The following PTPRD variants were observed in gnomAD, a reference collection of about 807,000 sequenced individuals.
The protein encoded by PTPRD is receptor-type tyrosine-protein phosphatase delta.
Under a neutral mutation model 214.5 loss-of-function variants are expected in PTPRD, and 34 were observed. That is an observed-to-expected ratio of 0.16 (90% confidence interval 0.12 to 0.21). The LOEUF (loss-of-function observed/expected upper bound fraction) is 0.21, where lower values mean the gene tolerates loss of function less well. PTPRD is among the 10% of genes least tolerant of loss of function. The pLI, the probability that PTPRD is intolerant of heterozygous loss-of-function variation, is 1.00. For missense variants in PTPRD, 2,545 were observed against 2,398.7 expected (o/e 1.06, Z -1.27); for synonymous variants, 1,128 against 845.7 (o/e 1.33, Z -5.79).
chr9:8,810,706 G>C (rs2096784903), intron 11 of PTPRD, among the ~76,000 whole-genome samples: 1 of 152,130 alleles, frequency 6.6e-6, no homozygotes, highest in Admixed American at 6.5e-5. Context: ...TTTGAATTTT[G>C]GTTACCCTGA....
chr9:9,381,846 G>A (rs929905601), intron 9 of PTPRD, among the ~76,000 whole-genome samples: 2 of 150,516 alleles, frequency 1.3e-5, no homozygotes, highest in African/African-American at 4.9e-5. Context: ...AGATTGCTTT[G>A]GCTATTTTGA....
intron 7 of PTPRD, among the ~76,000 whole-genome samples, chr9:9,717,172 G>C (rs370510937): frequency 1.3e-3 from 193 of 152,098 alleles, no homozygotes; most frequent in African/African-American, 4.5e-3. Flanking sequence ...GATATGCGGC[G>C]TTATTTCTGA....
chr9:10,075,474 T>C (rs1205465079), intron 3 of PTPRD, among the ~76,000 whole-genome samples: 1 of 152,002 alleles, frequency 6.6e-6, no homozygotes, highest in Non-Finnish European at 1.5e-5. Context: ...CTTATTTGAT[T>C]TATATACTTT....
At chr9:9,894,686 T>G (rs1188495720) in intron 5 of PTPRD, among the ~76,000 whole-genome samples, 1 of 152,054 alleles carries the variant, frequency 6.6e-6, no homozygotes, top group African/African-American at 2.4e-5. Context: ...TCACATATAT[T>G]TGGGGGATGA....
chr9:9,988,184 C>T (rs966516106), intron 4 of PTPRD, among the ~76,000 whole-genome samples: 2 of 151,982 alleles, frequency 1.3e-5, no homozygotes, highest in Admixed American at 6.6e-5. Context: ...CTACAAAACA[C>T]ATAATTATTT....
At chr9:9,844,297 T>C (rs951136587) in intron 5 of PTPRD, among the ~76,000 whole-genome samples, 1 of 151,954 alleles carries the variant, frequency 6.6e-6, no homozygotes, top group African/African-American at 2.4e-5. Context: ...ATGCTGTACA[T>C]TAGATCATAA....
chr9:8,811,106 G>C (rs368541644), intron 11 of PTPRD, among the ~76,000 whole-genome samples: 14 of 152,052 alleles, frequency 9.2e-5, no homozygotes, highest in Non-Finnish European at 2.1e-4. Flanking sequence ...TCTGACTTAC[G>C]GCACAAAAAG....
At chr9:9,910,071 T>A (rs1199288392) in intron 5 of PTPRD, among the ~76,000 whole-genome samples, 1 of 151,944 alleles carries the variant, frequency 6.6e-6, no homozygotes, top group African/African-American at 2.4e-5. Flanking sequence ...CTCAACTGCT[T>A]ACTACTTTCT....
intron 39 of PTPRD, among the ~76,000 whole-genome samples, chr9:8,347,078 T>C (rs2074035307): frequency 6.6e-6 from 1 of 150,986 alleles, no homozygotes; most frequent in Admixed American, 6.6e-5. Flanking sequence ...TTGGATCATA[T>C]CCCCTGCGGA....
intron 7 of PTPRD, among the ~76,000 whole-genome samples, chr9:9,605,257 T>C (rs1235690226): frequency 1.3e-5 from 2 of 152,048 alleles, no homozygotes; most frequent in African/African-American, 2.4e-5. Flanking sequence ...TCAGTGTACC[T>C]AATATGTATA....
chr9:10,481,167 T>TA (rs1359200994), intron 2 of PTPRD, among the ~76,000 whole-genome samples: 5 of 152,098 alleles, frequency 3.3e-5, no homozygotes, highest in East Asian at 1.9e-4. Flanking sequence ...TTGCTCCACT[T>TA]AAAAAAATCC....
chr9:9,196,982 A>T (rs2099938974), intron 9 of PTPRD, among the ~76,000 whole-genome samples: 1 of 152,158 alleles, frequency 6.6e-6, no homozygotes, highest in Non-Finnish European at 1.5e-5. Flanking sequence ...AAACAAGATC[A>T]CTCCCTAATC....
At chr9:10,062,675 T>G (rs1306175394) in intron 3 of PTPRD, among the ~76,000 whole-genome samples, 1 of 151,270 alleles carries the variant, frequency 6.6e-6, no homozygotes, top group Non-Finnish European at 1.5e-5. Flanking sequence ...CGATAGCACT[T>G]AGGGAGAGGT....
At chr9:9,573,416 T>TAA (rs567999592) in intron 8 of PTPRD, among the ~76,000 whole-genome samples, 4 of 145,866 alleles carry the variant, frequency 2.7e-5, no homozygotes, top group African/African-American at 5.0e-5. Context: ...GTTCTTTTTT[T>TAA]AAAAAAAAAA....
chr9:8,721,299 A>C (rs2098494193), intron 12 of PTPRD, among the ~76,000 whole-genome samples: 1 of 151,688 alleles, frequency 6.6e-6, no homozygotes, highest in South Asian at 2.1e-4. Context: ...GCATGGTGGC[A>C]CATGCCTGTA....
chr9:8,761,936 C>A (rs975176737), intron 11 of PTPRD, among the ~76,000 whole-genome samples: 2 of 152,106 alleles, frequency 1.3e-5, no homozygotes, highest in African/African-American at 4.8e-5. Flanking sequence ...ACCAAGGTCC[C>A]TAAGGCACCA....
At chr9:10,076,478 C>A (rs16931010) in intron 3 of PTPRD, among the ~76,000 whole-genome samples, 2 of 152,164 alleles carry the variant, frequency 1.3e-5, no homozygotes, top group East Asian at 1.9e-4. Context: ...ACTGGGAGGA[C>A]CCTGAATGGA....
intron 3 of PTPRD, among the ~76,000 whole-genome samples, chr9:10,202,975 A>G (rs1359641002): frequency 6.6e-6 from 1 of 151,874 alleles, no homozygotes; most frequent in South Asian, 2.1e-4. Context: ...CTGTCATTTA[A>G]GCCACCCAGA....
intron 10 of PTPRD, among the ~76,000 whole-genome samples, chr9:9,087,879 T>TC: frequency 3.5e-5 from 1 of 28,286 alleles, no homozygotes; most frequent in African/African-American, 1.3e-4. Context: ...CCCTAAACTC[T>TC]TTTTTTTTTT....
Sources: gnomAD v4.1 joint callset for allele counts (sites outside exome capture counted in the v4.1 genomes callset) on GRCh38, gnomAD v4.1.1 for gene constraint, MANE v1.5 for transcripts, NCBI Gene and HGNC (gene_info 2026-07-23, HGNC 2026-07-21) for gene names.